Variants in NFATC2 observed in about 807,000 individuals in gnomAD.
NFATC2 encodes nuclear factor of activated T cells 2.
NFATC2 carries 22 observed loss-of-function variants against 87.3 expected under a neutral mutation model. The observed-to-expected ratio is 0.25, with a 90% CI of 0.18 to 0.36. The LOEUF (loss-of-function observed/expected upper bound fraction) is 0.36. NFATC2 is among the 10% of genes least tolerant of loss of function. NFATC2 has a pLI of 1.00. For missense variants in NFATC2, 1,149 were observed against 1,259.1 expected (o/e 0.91, Z 1.32); for synonymous variants, 565 against 542.2 (o/e 1.04, Z -0.58).
chr20:51,398,117 G>T (rs927491934), intron 10 of NFATC2, among the ~76,000 whole-genome samples: 1 of 150,454 alleles, frequency 6.6e-6, no homozygotes, highest in Non-Finnish European at 1.5e-5. Context: ...AGAATCCTGC[G>T]ACTTCAAAAG....
rs1254138510 is a variant in NFATC2 at position 51,390,592 on chromosome 20, G to C, written c.*904C>G. ...TCTGCAGCCTGGGTCAGCCCCCCAA[G>C]TCTATGGAAATTGTGTTAGCAGGAC... On this transcript the variant is annotated 3_prime_UTR_variant, in exon 11 of 11. Coordinates refer to ENST00000371564, the MANE Select transcript of NFATC2 (RefSeq NM_012340.5). The C allele has an allele frequency of 1.3e-5, 2 of 152,374 alleles. No individual in the cohort carries two copies. Among genetic ancestry groups the C allele is most frequent in the Non-Finnish European group, 2.9e-5 (2 of 68,176 alleles). The allele number at this position is 152,374 out of a possible 1,614,324, so 9.4% of individuals were successfully genotyped here.
intron 4 of NFATC2, among the ~76,000 whole-genome samples, chr20:51,475,095 A>G (rs574741993): frequency 6.6e-6 from 1 of 151,420 alleles, no homozygotes; most frequent in South Asian, 2.1e-4. Flanking sequence ...CAGCCTCCAG[A>G]GTATCTGGGA....
upstream of NFATC2, among the ~76,000 whole-genome samples, chr20:51,545,710 TGGATGGATAGG>T (rs2076883770): frequency 6.6e-6 from 1 of 151,236 alleles, no homozygotes; most frequent in South Asian, 2.1e-4. Flanking sequence ...GATGGGTGGA[TGGATGGATAGG>T]GGATGGATGG....
intron 3 of NFATC2, among the ~76,000 whole-genome samples, chr20:51,489,779 A>C (rs1042036780): frequency 6.6e-6 from 1 of 152,238 alleles, no homozygotes; most frequent in African/African-American, 2.4e-5. Context: ...GCTCAGAAAC[A>C]TACCAAGTAA....
intron 3 of NFATC2, among the ~76,000 whole-genome samples, chr20:51,492,047 C>T (rs2075900455): frequency 6.6e-6 from 1 of 152,030 alleles, no homozygotes; most frequent in African/African-American, 2.4e-5. Context: ...GGCCCGGGCT[C>T]CCCTTAGATC....
chr20:51,535,296 C>A (rs1042127474), intron 1 of NFATC2, among the ~76,000 whole-genome samples: 1 of 152,232 alleles, frequency 6.6e-6, no homozygotes, highest in Non-Finnish European at 1.5e-5. Flanking sequence ...AGCAAACAGT[C>A]CCTCTCTCCG....
chr20:51,554,005 C>A (rs987358341), intron 1 of NFATC2, among the ~76,000 whole-genome samples: 7 of 152,260 alleles, frequency 4.6e-5, no homozygotes, highest in Middle Eastern at 6.8e-3. Context: ...CTGCCATATT[C>A]TTTGCAGACT....
chr20:51,486,381 T>C (rs992457725), intron 3 of NFATC2, among the ~76,000 whole-genome samples: 2 of 152,204 alleles, frequency 1.3e-5, no homozygotes, highest in African/African-American at 4.8e-5. Flanking sequence ...CCTTTGCATA[T>C]GCTATGCCCT....
intron 2 of NFATC2, among the ~76,000 whole-genome samples, chr20:51,521,434 C>G (rs573646051): frequency 7.6e-4 from 116 of 152,282 alleles, no homozygotes; most frequent in African/African-American, 2.8e-3. Context: ...AATTCTCCTG[C>G]CTCAGCCTCC....
chr20:51,389,027 TTA>T lies in NFATC2; in HGVS notation c.*2467_*2468del, dbSNP rs1175773025. ...TCCTAATACACTTTCTCTTGCCTGT[TTA>T]TGTCTCAAATCTAATGCTTTTGTTT... On this transcript the variant is annotated 3_prime_UTR_variant, in exon 11 of 11. Transcript: ENST00000371564. 2 of 152,256 alleles carry T rather than the reference TTA, an allele frequency of 1.3e-5. No homozygotes were observed. The highest frequency in any genetic ancestry group is 6.5e-5 in the Admixed American group (1 of 15,286). 9.4% of individuals were successfully genotyped at this position (152,256 alleles called of 1,614,324 possible). A position where few individuals can be genotyped will look rare whatever the true frequency, so the allele number is the denominator to read the frequency against.
chr20:51,482,408 C>T (rs908658739), intron 3 of NFATC2, among the ~76,000 whole-genome samples: 2 of 151,722 alleles, frequency 1.3e-5, no homozygotes, highest in Admixed American at 6.6e-5. Context: ...TCACTCATTG[C>T]AGGAAAAAAT....
intron 6 of NFATC2, among the ~76,000 whole-genome samples, chr20:51,438,040 G>A (rs1424223363): frequency 1.3e-5 from 2 of 152,214 alleles, no homozygotes; most frequent in Non-Finnish European, 2.9e-5. Flanking sequence ...AGGGAAGATC[G>A]CTGGATGGAC....
At chr20:51,417,842 G>A (rs1204629574) in intron 9 of NFATC2, among the ~76,000 whole-genome samples, 2 of 19,020 alleles carry the variant, frequency 1.1e-4, no homozygotes, top group African/African-American at 1.7e-3. Flanking sequence ...AAAAGCAAAT[G>A]CTCAGCAACA....
rs1983411787 is a variant in NFATC2, at chr20:51,435,384, T to A, written c.1906-70A>T. The A allele has an allele frequency of 2.5e-6, 4 of 1,601,720 alleles. No homozygotes were observed. The African/African-American group carries it at 4.0e-5, about 16-fold the overall frequency. Reference sequence around the variant, plus strand: ...AGTTCCTACCCAGACCCTAAGCGCATCCAGGCAGCCCACTGTCTAATGGGT... The same window carrying A: ...AGTTCCTACCCAGACCCTAAGCGCAACCAGGCAGCCCACTGTCTAATGGGT... On this transcript the variant is annotated intron_variant, in intron 7 of 10. Transcript: ENST00000371564.
intron 9 of NFATC2, among the ~76,000 whole-genome samples, chr20:51,427,250 T>C (rs1467454030): frequency 1.3e-5 from 2 of 151,994 alleles, no homozygotes; most frequent in Admixed American, 6.5e-5. Flanking sequence ...AGCTGTGGAG[T>C]CAGCACAGCT....
At chr20:51,544,875 G>A (rs187063818), upstream of NFATC2, among the ~76,000 whole-genome samples, 247 of 152,338 alleles carry the variant, frequency 1.6e-3, no homozygotes, top group African/African-American at 5.4e-3. Context: ...GGGCCTGGGG[G>A]CTGGCTCAGG....
At chr20:51,453,351 G>A (rs2146422869) in intron 6 of NFATC2, among the ~76,000 whole-genome samples, 1 of 152,314 alleles carries the variant, frequency 6.6e-6, no homozygotes, top group East Asian at 1.9e-4. Context: ...CTCAGAGGAG[G>A]TGCCCTTGTA....
At chr20:51,482,557 A>G (rs529236306) in intron 3 of NFATC2, among the ~76,000 whole-genome samples, 9 of 152,296 alleles carry the variant, frequency 5.9e-5, no homozygotes, top group African/African-American at 2.2e-4. Flanking sequence ...TAACAATTTT[A>G]TATATTTATG....
chr20:51,559,286 G>A (rs2077002612), intron 1 of NFATC2, among the ~76,000 whole-genome samples: 1 of 152,208 alleles, frequency 6.6e-6, no homozygotes, highest in Non-Finnish European at 1.5e-5. Flanking sequence ...ATCAGCTGCT[G>A]CCTCAGTTTC....
Sources: gnomAD v4.1 joint callset for allele counts (sites outside exome capture counted in the v4.1 genomes callset) on GRCh38, gnomAD v4.1.1 for gene constraint, MANE v1.5 for transcripts, NCBI Gene and HGNC (gene_info 2026-07-23, HGNC 2026-07-21) for gene names.